The following LTN1 variants were observed in gnomAD, a reference collection of about 807,000 sequenced individuals.
LTN1 encodes the protein E3 ubiquitin-protein ligase listerin.
In LTN1, 88 loss-of-function variants were observed where a neutral mutation model predicts 201.2. The ratio of observed to expected loss-of-function variants is 0.44; its 90% confidence interval spans 0.37 to 0.52. The LOEUF is 0.52. Ranked by LOEUF, LTN1 falls within the 20% of genes least tolerant of loss-of-function variation. The pLI, the probability that LTN1 is intolerant of heterozygous loss-of-function variation, is 0.00. For missense variants in LTN1, 1,752 were observed against 2,038.7 expected, an observed-to-expected ratio of 0.86 and a Z score of 2.71; for synonymous variants, 645 against 713.5, an observed-to-expected ratio of 0.90 and a Z score of 1.53.
At chr21:28,932,919 G>A (rs1039019907) in intron 27 of LTN1, among the ~76,000 whole-genome samples, 1 of 152,064 alleles carries the variant, frequency 6.6e-6, no homozygotes, top group African/African-American at 2.4e-5. Flanking sequence ...ATTATATTAG[G>A]CTTGTCACAT....
chr21:28,986,756 T>C lies in LTN1; in HGVS notation c.221A>G (p.Lys74Arg), dbSNP rs1324790436. Residue 74 changes from lysine (K) to arginine (R), a missense_variant, in exon 2 of 30, where the codon AAG becomes AGG. By Grantham distance (26) the Lys-to-Arg change is conservative (BLOSUM62 2). Coordinates refer to ENST00000361371, the MANE Select transcript of LTN1 (RefSeq NM_015565.3). This position sits in a 1 kb window ranked among gnomAD's most constrained non-coding sequence, Gnocchi z 4.1. ...DFRMVLRKLSKKDVTTKLKAM... is the reference protein window; with the variant it reads ...DFRMVLRKLSRKDVTTKLKAM... Reference sequence around the variant, plus strand: ...TTTTAATTTTGTGGTGACATCTTTCTTTGAAAGTTTCCGCAGCACCATTCG... The same window carrying C: ...TTTTAATTTTGTGGTGACATCTTTCCTTGAAAGTTTCCGCAGCACCATTCG... 5.0e-6 allele frequency: 8 copies of C among 1,612,650 alleles called. No homozygotes were observed. The highest frequency in any genetic ancestry group is 6.8e-6 in the Non-Finnish European group (8 of 1,179,636).
chr21:28,981,299 T>A lies in LTN1; in HGVS notation c.630A>T (p.Gln210His), dbSNP rs1454601738. 6.7e-7 allele frequency: 1 copy of A among 1,490,732 alleles called. No individual in the cohort carries two copies. Among genetic ancestry groups the A allele is most frequent in the Non-Finnish European group, 8.9e-7 (1 of 1,122,150 alleles). 92.3% of individuals were successfully genotyped at this position (1,490,732 alleles called of 1,614,324 possible). Residue 210 changes from glutamine (Q) to histidine (H), a missense_variant and splice_region_variant, in exon 6 of 30, where the codon CAA (glutamine) becomes CAT (histidine). By Grantham distance (24) the Gln-to-His change is conservative. Coordinates refer to ENST00000361371, the MANE Select transcript of LTN1 (RefSeq NM_015565.3). ...KETPDTLSDP[Q>H]TVPEEEREAK... Reference sequence around the variant, plus strand: ...CTTCTCTTTCTTCCTCTGGAACAGTTCTTGATATAAAACAAAATAAATATA... The same window carrying A: ...CTTCTCTTTCTTCCTCTGGAACAGTACTTGATATAAAACAAAATAAATATA...
intron 27 of LTN1, among the ~76,000 whole-genome samples, chr21:28,933,746 G>A (rs572813141): frequency 1.3e-4 from 19 of 148,136 alleles, no homozygotes; most frequent in Admixed American, 4.1e-4. Context: ...GCGTGATCTC[G>A]GCTCACCACA....
At position 28,944,515 on chromosome 21, in the gene LTN1, G is replaced by A; in HGVS notation, c.3850C>T (p.Leu1284Phe). 6.2e-7 allele frequency: 1 copy of A among 1,614,004 alleles called. No individual in the cohort carries two copies. The change falls in exon 22 of 30, where the codon CTC becomes TTC. Residue 1284 changes from leucine to phenylalanine, a missense_variant. Physicochemically the swap from Leu to Phe is conservative, Grantham distance 22 (BLOSUM62 0). This residue lies in a region of LTN1 where 1,211 missense variants were observed against 1,312.8 expected (regional missense o/e 0.92). Transcript: ENST00000361371. ...GTTGTGGAATCAAAGAAAGCACTGA[G>A]GTCACAGGCCAAATCACAGCTGACA... ...ACVSCDLACDLSAFFDSTTLD... is the reference protein window; with the variant it reads ...ACVSCDLACDFSAFFDSTTLD...
intron 1 of LTN1, among the ~76,000 whole-genome samples, chr21:28,988,139 C>T (rs1243964126): frequency 1.0e-5 from 1 of 100,068 alleles, no homozygotes; most frequent in East Asian, 3.1e-4. Context: ...GAGACTCTGT[C>T]TCAAAAAAAA....
In LTN1 at chr21:28,957,316, T is replaced by C. The variant is rs2084433678; in HGVS notation, c.2892+16A>G. ...AACTTCAGAATGAGATATGTACTCT[T>C]CAATTTCCAAAATACCTGCATAGGA... is the stretch of plus-strand genomic sequence containing the variant. On this transcript the variant is annotated intron_variant, in intron 15 of 29. Coordinates refer to ENST00000361371, the MANE Select transcript of LTN1 (RefSeq NM_015565.3). 1 of 1,571,002 alleles carries C rather than the reference T, an allele frequency of 6.4e-7. No homozygotes were observed. Among genetic ancestry groups the C allele is most frequent in the Non-Finnish European group, 8.6e-7 (1 of 1,165,022 alleles).
In LTN1 at chr21:28,935,397, T is replaced by C. The variant is rs900226793; in HGVS notation, c.4655-68A>G. 11 of 953,140 alleles carry C rather than the reference T, an allele frequency of 1.2e-5. No homozygotes were observed. In the African/African-American group the frequency reaches 1.6e-4, roughly 14 times the overall value. The allele number at this position is 953,140 out of a possible 1,614,324, so 59.0% of individuals were successfully genotyped here. Reference sequence around the variant, plus strand: ...ATATAGAATAACAGACTAATATTAGTATTTTCTTTAGAAAGTGATCCTTAA... The same window carrying C: ...ATATAGAATAACAGACTAATATTAGCATTTTCTTTAGAAAGTGATCCTTAA... On this transcript the variant is annotated intron_variant, in intron 26 of 29. Transcript: ENST00000361371.
At chr21:28,988,784 G>A (rs1223610382) in intron 1 of LTN1, among the ~76,000 whole-genome samples, 2 of 151,860 alleles carry the variant, frequency 1.3e-5, no homozygotes, top group Non-Finnish European at 2.9e-5. Context: ...TGGCCAACAT[G>A]GTGAAACGCC....
intron 6 of LTN1, 93 bp downstream of exon 6, chr21:28,981,026 G>T: frequency 1.4e-6 from 1 of 720,314 alleles, no homozygotes; most frequent in Non-Finnish European, 2.1e-6. Flanking sequence ...TGCTTGCAGA[G>T]TTCTAAGTAT....
At position 28,965,847 on chromosome 21, in the gene LTN1, A is replaced by G; in HGVS notation, c.2163+18T>C. 7.2e-7 allele frequency: 1 copy of G among 1,386,648 alleles called. No homozygotes were observed. The highest frequency in any genetic ancestry group is 9.9e-7 in the Non-Finnish European group (1 of 1,007,150). 85.9% of individuals were successfully genotyped at this position (1,386,648 alleles called of 1,614,324 possible). A position where few individuals can be genotyped will look rare whatever the true frequency, so the allele number is the denominator to read the frequency against. The stretch of plus-strand genomic sequence containing the variant: ...CCATAAATACAAAAAAAAAAAGAAA[A>G]AAAAATCCCTAAGATACCTTTTCAA... On this transcript the variant is annotated intron_variant, in intron 11 of 29. Transcript: ENST00000361371.
Position 28,935,209 on chromosome 21 carries a change from T to C in LTN1, c.4775A>G (p.Asn1592Ser), listed in dbSNP as rs1176209567. ...CTTGCTTGTAAATCTATCCACAATATTGAAAACACGCTTCTCACTGCTATT... is the reference window on the plus strand; with the variant it reads ...CTTGCTTGTAAATCTATCCACAATACTGAAAACACGCTTCTCACTGCTATT... The part of the protein sequence containing the change: ...WWNSSEKRVF[N>S]IVDRFTSKYV... Residue 1592 changes from asparagine (N) to serine (S), a missense_variant, in exon 27 of 30, where the codon AAT (asparagine) becomes AGT (serine). This residue lies in a region of LTN1 where 261 missense variants were observed against 350.1 expected (regional missense o/e 0.75). Coordinates refer to ENST00000361371, the MANE Select transcript of LTN1 (RefSeq NM_015565.3). The C allele has an allele frequency of 5.0e-6, 8 of 1,613,462 alleles. No individual in the cohort carries two copies. The highest frequency in any genetic ancestry group is 6.8e-6 in the Non-Finnish European group (8 of 1,179,342).
rs1246534639 is a variant in LTN1, at chr21:28,988,570, G to T, written c.43-1636C>A. Among the ~76,000 whole-genome samples the T allele has an allele frequency of 5.9e-5, 9 of 152,014 alleles. No individual in the cohort carries two copies. The East Asian group carries it at 1.3e-3, about 23-fold the overall frequency. ...TTCCTAAACTGAACTGAGTGAACAGGAAAGAAAATGATGGCCTGCATTACA... is the reference window on the plus strand; with the variant it reads ...TTCCTAAACTGAACTGAGTGAACAGTAAAGAAAATGATGGCCTGCATTACA... On this transcript the variant is annotated intron_variant, in intron 1 of 29. Coordinates refer to ENST00000361371, the MANE Select transcript of LTN1 (RefSeq NM_015565.3).
In LTN1 at chr21:28,981,056, T is replaced by TAGAG. The variant is rs1244286006; in HGVS notation, c.810+62_810+63insCTCT. The TAGAG allele has an allele frequency of 2.3e-5, 24 of 1,045,958 alleles. No homozygotes were observed. In the Middle Eastern group the frequency reaches 1.3e-3, roughly 55 times the overall value. 64.8% of individuals were successfully genotyped at this position (1,045,958 alleles called of 1,614,324 possible). A position where few individuals can be genotyped will look rare whatever the true frequency, so the allele number is the denominator to read the frequency against. On this transcript the variant is annotated intron_variant, in intron 6 of 29. Coordinates refer to ENST00000361371, the MANE Select transcript of LTN1 (RefSeq NM_015565.3). ...AAGTATAAACAATAAACATAAAACATAAACTAAGAAGATGGGGGTAAGGAA... is the reference window on the plus strand; with the variant it reads ...AAGTATAAACAATAAACATAAAACATAGAGAAACTAAGAAGATGGGGGTAAGGAA...
intron 11 of LTN1, among the ~76,000 whole-genome samples, chr21:28,965,280 T>A (rs1016416617): frequency 6.6e-6 from 1 of 152,350 alleles, no homozygotes; most frequent in East Asian, 1.9e-4. Context: ...TCTCTACAGT[T>A]GGAAAAGTGT....
chr21:28,972,886 G>A (rs188595382), intron 6 of LTN1, among the ~76,000 whole-genome samples: 51 of 152,232 alleles, frequency 3.4e-4, no homozygotes, highest in African/African-American at 1.2e-3. Flanking sequence ...GAAAACACAA[G>A]GAGAAAAGTA....
chr21:28,987,672 G>T (rs2832151), intron 1 of LTN1, among the ~76,000 whole-genome samples: 7,861 of 152,236 alleles, frequency 0.052, 451 homozygotes, highest in East Asian at 0.16. Context: ...CTAAAAGGAG[G>T]TGAGTTGATA....
At chr21:28,981,877 T>C (rs2084661375) in intron 5 of LTN1, among the ~76,000 whole-genome samples, 1 of 152,164 alleles carries the variant, frequency 6.6e-6, no homozygotes, top group African/African-American at 2.4e-5. Context: ...ACATACAGCA[T>C]TATGTTATTT....
intron 11 of LTN1, among the ~76,000 whole-genome samples, chr21:28,961,949 T>C (rs1194519509): frequency 6.6e-6 from 1 of 152,038 alleles, no homozygotes; most frequent in African/African-American, 2.4e-5. Context: ...AGGCAGAAGT[T>C]GCAGTGAGAC....
In LTN1 at chr21:28,966,435, A is replaced by C; in HGVS notation, c.2056T>G (p.Tyr686Asp). 1 of 1,614,194 alleles carries C rather than the reference A, an allele frequency of 6.2e-7. No homozygotes were observed. The highest frequency in any genetic ancestry group is 8.5e-7 in the Non-Finnish European group (1 of 1,180,006). ...TTGTCACAGCACCGGAGAGCACTGT[A>C]CAAAATGTCCACCAGGAAACCAAAA... is the stretch of plus-strand genomic sequence containing the variant. Reference protein sequence around the residue: ...KDFGFLVDILYSALRCCDNDM... With the variant: ...KDFGFLVDILDSALRCCDNDM... The change falls in exon 10 of 30, where the codon TAC becomes GAC. Residue 686 changes from tyrosine to aspartate, a missense_variant. Coordinates refer to ENST00000361371, the MANE Select transcript of LTN1 (RefSeq NM_015565.3).
Sources: gnomAD v4.1 joint callset for allele counts (sites outside exome capture counted in the v4.1 genomes callset) on GRCh38, gnomAD v4.1.1 for gene constraint, gnomAD v4.1.1 regional missense constraint, Gnocchi (gnomAD v3.1) non-coding constraint, MANE v1.5 for transcripts, NCBI Gene and HGNC (gene_info 2026-07-23, HGNC 2026-07-21) for gene names.